HTR1F: variants seen among roughly 807,000 people sequenced by gnomAD.
HTR1F encodes the protein 5-hydroxytryptamine receptor 1F, also known as 5-hydroxytryptamine (serotonin) receptor 1F, G protein-coupled.
Under a neutral mutation model 24.0 loss-of-function variants are expected in HTR1F, and 17 were observed. That is an observed-to-expected ratio of 0.71 (90% CI 0.48 to 1.06). HTR1F has a LOEUF of 1.06. HTR1F is among the 50% of genes least tolerant of loss of function. The probability of loss-of-function intolerance (pLI) is 0.00; values close to 1 mark genes in which losing one functional copy is unlikely to be tolerated. For missense variants in HTR1F, 391 were observed against 427.8 expected, an observed-to-expected ratio of 0.91 and a Z score of 0.76; for synonymous variants, 186 against 156.8, an observed-to-expected ratio of 1.19 and a Z score of -1.39.
chr3:87,807,737 C>A (rs1452883326), intron 1 of HTR1F, among the ~76,000 whole-genome samples: 1 of 151,844 alleles, frequency 6.6e-6, no homozygotes, highest in Non-Finnish European at 1.5e-5. Flanking sequence ...CTTCATTCAG[C>A]ATGGTGTTAC....
At chr3:87,912,132 T>A (rs1703791589) in intron 2 of HTR1F, among the ~76,000 whole-genome samples, 1 of 152,040 alleles carries the variant, frequency 6.6e-6, no homozygotes, top group Non-Finnish European at 1.5e-5. Context: ...ACTATCCCTG[T>A]TTGCCAATGA....
intron 2 of HTR1F, among the ~76,000 whole-genome samples, chr3:87,879,370 T>C (rs918777845): frequency 6.6e-6 from 1 of 152,198 alleles, no homozygotes; most frequent in African/African-American, 2.4e-5. Context: ...TATGAAGATA[T>C]TAAATGTCAT....
At chr3:87,875,989 T>C (rs1705665004) in intron 2 of HTR1F, among the ~76,000 whole-genome samples, 1 of 146,828 alleles carries the variant, frequency 6.8e-6, no homozygotes, top group Non-Finnish European at 1.5e-5. Flanking sequence ...AAATAACCAA[T>C]AAGCATATAA....
chr3:87,848,441 T>A (rs1704998262), intron 2 of HTR1F, among the ~76,000 whole-genome samples: 1 of 151,828 alleles, frequency 6.6e-6, no homozygotes, highest in African/African-American at 2.4e-5. Context: ...ATTTGCAAAT[T>A]TTTTCCCCTT....
chr3:87,965,840 G>A (rs751452240), intron 2 of HTR1F, among the ~76,000 whole-genome samples: 5 of 152,164 alleles, frequency 3.3e-5, no homozygotes, highest in Non-Finnish European at 7.3e-5. Context: ...TATTGACTAA[G>A]GCTGTTTATA....
intron 2 of HTR1F, among the ~76,000 whole-genome samples, chr3:87,920,938 C>CTT (rs1459203359): frequency 1.3e-5 from 2 of 152,002 alleles, no homozygotes; most frequent in Non-Finnish European, 1.5e-5. Context: ...CTTGCTTCTC[C>CTT]TCTTTCTTTC....
At chr3:87,828,512 C>T (rs560474392) in intron 2 of HTR1F, among the ~76,000 whole-genome samples, 1 of 152,170 alleles carries the variant, frequency 6.6e-6, no homozygotes, top group Non-Finnish European at 1.5e-5. Context: ...CTTAACATTG[C>T]TTAGAGCTAA....
At chr3:87,817,912 G>C (rs1314412471) in intron 1 of HTR1F, among the ~76,000 whole-genome samples, 1 of 152,116 alleles carries the variant, frequency 6.6e-6, no homozygotes, top group Non-Finnish European at 1.5e-5. Context: ...AGAGTCAGTA[G>C]AAAAATATTT....
chr3:87,932,918 C>T (rs1188408806), intron 2 of HTR1F, among the ~76,000 whole-genome samples: 1 of 150,734 alleles, frequency 6.6e-6, no homozygotes, highest in Non-Finnish European at 1.5e-5. Flanking sequence ...AATTTTAGAC[C>T]AATATCCTTG....
chr3:87,973,636 A>G (rs1463834829), intron 2 of HTR1F, among the ~76,000 whole-genome samples: 1 of 152,178 alleles, frequency 6.6e-6, no homozygotes, highest in Non-Finnish European at 1.5e-5. Flanking sequence ...ATTTCAAGAG[A>G]TCCAGGCTTA....
At chr3:87,795,033 G>A (rs116802385) in intron 1 of HTR1F, among the ~76,000 whole-genome samples, 1 of 122,256 alleles carries the variant, frequency 8.2e-6, no homozygotes, top group Non-Finnish European at 1.6e-5. Context: ...CTGTCTCCAC[G>A]CTGGAGTGCA....
intron 2 of HTR1F, among the ~76,000 whole-genome samples, chr3:87,942,841 C>T (rs942153654): frequency 1.3e-5 from 2 of 151,770 alleles, no homozygotes; most frequent in South Asian, 2.1e-4. Context: ...AAGTTTTGCT[C>T]TGGGCGTAAG....
chr3:87,844,945 A>G (rs978614789), intron 2 of HTR1F, among the ~76,000 whole-genome samples: 1 of 149,490 alleles, frequency 6.7e-6, no homozygotes, highest in Non-Finnish European at 1.5e-5. Flanking sequence ...GCCTTGTAGT[A>G]TAGTTTGAAG....
chr3:87,940,008 T>C (rs1329946099), intron 2 of HTR1F, among the ~76,000 whole-genome samples: 2 of 152,252 alleles, frequency 1.3e-5, no homozygotes, highest in African/African-American at 4.8e-5. Context: ...TGTAGTGCTA[T>C]AAATTTCCCT....
intron 2 of HTR1F, among the ~76,000 whole-genome samples, 123 bp downstream of exon 2, chr3:87,822,247 C>T (rs1429183783): frequency 1.3e-5 from 2 of 152,076 alleles, no homozygotes; most frequent in Admixed American, 6.6e-5. Flanking sequence ...CCATATGACT[C>T]CTGCTTCCAG....
chr3:87,953,190 A>G (rs950556661), intron 2 of HTR1F, among the ~76,000 whole-genome samples: 17 of 151,782 alleles, frequency 1.1e-4, no homozygotes, highest in African/African-American at 3.4e-4. Flanking sequence ...CAAAAACAAA[A>G]ATAGAGAAAA....
At chr3:87,958,617 T>G (rs114327678) in intron 2 of HTR1F, among the ~76,000 whole-genome samples, 3,621 of 151,738 alleles carry the variant, frequency 0.024, 69 homozygotes, top group Non-Finnish European at 0.031. Context: ...TTTAGAAGAT[T>G]GCTAATGACT....
At chr3:87,800,167 TTC>T (rs1476667169) in intron 1 of HTR1F, among the ~76,000 whole-genome samples, 1 of 152,174 alleles carries the variant, frequency 6.6e-6, no homozygotes, top group Non-Finnish European at 1.5e-5. Context: ...TAGGTATTAG[TTC>T]TGTCTCATGC....
chr3:87,801,886 A>T (rs1703994854), intron 1 of HTR1F, among the ~76,000 whole-genome samples: 1 of 152,224 alleles, frequency 6.6e-6, no homozygotes. Flanking sequence ...AGACATGAAA[A>T]GCCCTTATTT....
Sources: allele counts gnomAD v4.1 joint callset (sites outside exome capture counted in the v4.1 genomes callset), GRCh38; gene constraint gnomAD v4.1.1; transcripts MANE v1.5; gene names NCBI Gene and HGNC (gene_info 2026-07-23, HGNC 2026-07-21).